PIK3R3: variants seen among roughly 807,000 people sequenced by gnomAD.
The protein encoded by PIK3R3 is phosphoinositide-3-kinase regulatory subunit 3.
Under a neutral mutation model 62.9 loss-of-function variants are expected in PIK3R3, and 64 were observed. The ratio of observed to expected loss-of-function variants is 1.02; its 90% CI spans 0.83 to 1.25. The LOEUF (loss-of-function observed/expected upper bound fraction) is 1.25. PIK3R3 is among the 50% of genes most tolerant of loss of function. PIK3R3 has a pLI of 0.00. For synonymous variants in PIK3R3, 165 were observed against 189.0 expected, an observed-to-expected ratio of 0.87 and a Z score of 1.04; for missense variants, 614 against 561.6, an observed-to-expected ratio of 1.09 and a Z score of -0.94.
chr1:46,068,408 A>T (rs1443701853), intron 3 of PIK3R3, among the ~76,000 whole-genome samples: 1 of 152,246 alleles, frequency 6.6e-6, no homozygotes, highest in African/African-American at 2.4e-5. Flanking sequence ...GTTTAACAGC[A>T]TAAGGAACAT....
intron 1 of PIK3R3, among the ~76,000 whole-genome samples, chr1:46,103,147 T>C (rs1339571057): frequency 2.6e-5 from 4 of 152,192 alleles, no homozygotes; most frequent in Non-Finnish European, 4.4e-5. Flanking sequence ...AAAGGTTGGT[T>C]ACCAGGGGTT....
intron 1 of PIK3R3, among the ~76,000 whole-genome samples, chr1:46,122,441 C>G (rs1471623433): frequency 1.3e-5 from 2 of 152,156 alleles, no homozygotes; most frequent in African/African-American, 4.8e-5. Flanking sequence ...GCGATCTCAG[C>G]TTGCTGCAAC....
intron 1 of PIK3R3, among the ~76,000 whole-genome samples, chr1:46,110,838 G>C (rs1004529021): frequency 6.6e-6 from 1 of 151,294 alleles, no homozygotes; most frequent in African/African-American, 2.4e-5. Flanking sequence ...AAAGCGGAGG[G>C]GGGAGGGTCA....
intron 3 of PIK3R3, among the ~76,000 whole-genome samples, chr1:46,072,907 C>G (rs376162587): frequency 2.0e-5 from 3 of 151,896 alleles, no homozygotes; most frequent in African/African-American, 4.8e-5. Context: ...TCACTGTACT[C>G]TAGCCTGAGT....
At chr1:46,130,564 GA>G (rs66538782) in intron 1 of PIK3R3, among the ~76,000 whole-genome samples, 43 of 147,816 alleles carry the variant, frequency 2.9e-4, no homozygotes, top group African/African-American at 8.0e-4. Flanking sequence ...CTGACTAATT[GA>G]AAAAAAAAAC....
chr1:46,091,894 ATAAT>A (rs1651671582), intron 1 of PIK3R3, among the ~76,000 whole-genome samples: 1 of 152,196 alleles, frequency 6.6e-6, no homozygotes, highest in Admixed American at 6.5e-5. Flanking sequence ...GGCTATGTAA[ATAAT>A]TGTTATACTA....
chr1:46,166,230 C>CT, the PIK3R3 span, among the ~76,000 whole-genome samples: 43 of 147,408 alleles, frequency 2.9e-4, no homozygotes, highest in East Asian at 4.0e-3. Context: ...CTTTTCTTTT[C>CT]TTTTTTTTTC....
chr1:46,166,020 C>T, the PIK3R3 span, among the ~76,000 whole-genome samples: 1 of 149,150 alleles, frequency 6.7e-6, no homozygotes, highest in South Asian at 2.1e-4. Flanking sequence ...GTGATTCGCC[C>T]GCCTCGGCCT....
chr1:46,146,674 C>T, the PIK3R3 span, among the ~76,000 whole-genome samples: 1 of 145,420 alleles, frequency 6.9e-6, no homozygotes, highest in Admixed American at 6.9e-5. Context: ...CAGCCCCCCT[C>T]CCCTCCAACT....
intron 1 of PIK3R3, among the ~76,000 whole-genome samples, chr1:46,130,500 CAA>C (rs1418983323): frequency 2.6e-5 from 4 of 151,540 alleles, no homozygotes; most frequent in Non-Finnish European, 5.9e-5. Flanking sequence ...AAGTGATCAT[CAA>C]GAGTGAAAAA....
At chr1:46,115,507 A>G (rs1268036178) in intron 1 of PIK3R3, among the ~76,000 whole-genome samples, 1 of 152,238 alleles carries the variant, frequency 6.6e-6, no homozygotes, top group Non-Finnish European at 1.5e-5. Context: ...TTGAATTTCA[A>G]ATAAACAATG....
intron 3 of PIK3R3, among the ~76,000 whole-genome samples, chr1:46,072,767 T>G (rs527896795): frequency 3.0e-4 from 45 of 151,828 alleles, no homozygotes; most frequent in Non-Finnish European, 5.3e-4. Flanking sequence ...CTGGGCAACA[T>G]AGTGAGACCT....
chr1:46,076,811 G>A (rs370116711), intron 3 of PIK3R3, among the ~76,000 whole-genome samples: 11 of 151,978 alleles, frequency 7.2e-5, no homozygotes, highest in African/African-American at 2.7e-4. Flanking sequence ...ACCTCATAAG[G>A]TTGTTGTGAA....
chr1:46,172,366 C>G, the PIK3R3 span, among the ~76,000 whole-genome samples: 4 of 152,110 alleles, frequency 2.6e-5, no homozygotes, highest in Admixed American at 6.5e-5. Flanking sequence ...CAGTAGCTCA[C>G]GTCTGTAATC....
intron 5 of PIK3R3, among the ~76,000 whole-genome samples, chr1:46,065,315 G>C (rs1166582253): frequency 1.3e-5 from 2 of 152,170 alleles, no homozygotes; most frequent in Non-Finnish European, 2.9e-5. Flanking sequence ...AAAGAAACTA[G>C]ATTATTCAAC....
the PIK3R3 span, among the ~76,000 whole-genome samples, chr1:46,170,016 T>C: frequency 6.6e-6 from 1 of 152,196 alleles, no homozygotes; most frequent in Admixed American, 6.5e-5. Context: ...CTGGGAGCTC[T>C]GAACCCCACC....
At chr1:46,163,151 C>A in the PIK3R3 span, among the ~76,000 whole-genome samples, 1 of 152,224 alleles carries the variant, frequency 6.6e-6, no homozygotes, top group Admixed American at 6.5e-5. Context: ...AGCGACATTT[C>A]TTTTATGTCT....
intron 1 of PIK3R3, among the ~76,000 whole-genome samples, chr1:46,103,948 T>C (rs1268785437): frequency 6.6e-6 from 1 of 151,300 alleles, no homozygotes; most frequent in Non-Finnish European, 1.5e-5. Context: ...TTTTTTGAGA[T>C]GGAGTCTCAC....
upstream of PIK3R3, among the ~76,000 whole-genome samples, chr1:46,134,172 G>A (rs575391255): frequency 2.6e-4 from 39 of 152,292 alleles, no homozygotes; most frequent in African/African-American, 8.9e-4. Flanking sequence ...AAAGCCCATT[G>A]TGTTTGAGTT....
Sources: allele counts gnomAD v4.1 joint callset (sites outside exome capture counted in the v4.1 genomes callset), GRCh38; gene constraint gnomAD v4.1.1; transcripts MANE v1.5; gene names NCBI Gene and HGNC (gene_info 2026-07-23, HGNC 2026-07-21).